The following NFIB variants were observed in gnomAD, a reference collection of about 807,000 sequenced individuals.
NFIB encodes nuclear factor 1 B-type.
Under a neutral mutation model 61.5 loss-of-function variants are expected in NFIB, and 11 were observed. The observed-to-expected ratio is 0.18, with a 90% CI of 0.11 to 0.30. The LOEUF is 0.30. Ranked by LOEUF, NFIB falls within the 10% of genes least tolerant of loss-of-function variation. NFIB has a pLI of 1.00. For synonymous variants in NFIB, 260 were observed against 216.5 expected, an observed-to-expected ratio of 1.20 and a Z score of -1.76; for missense variants, 471 against 608.9, an observed-to-expected ratio of 0.77 and a Z score of 2.38.
chr9:14,388,273 G>C (rs1433329913), intron 1 of NFIB, among the ~76,000 whole-genome samples: 2 of 152,026 alleles, frequency 1.3e-5, no homozygotes, highest in African/African-American at 4.8e-5. Flanking sequence ...CATGGAGGAG[G>C]CTGGGGTGGG....
At chr9:14,511,093 CTTCCAAAGAGT>C in the NFIB span, among the ~76,000 whole-genome samples, 6 of 152,116 alleles carry the variant, frequency 3.9e-5, no homozygotes, top group Non-Finnish European at 7.3e-5. Flanking sequence ...GCCAATTTGC[CTTCCAAAGAGT>C]TTGTGTTATA....
chr9:14,504,597 TTAAAGGGG>T, the NFIB span, among the ~76,000 whole-genome samples: 4 of 152,314 alleles, frequency 2.6e-5, no homozygotes, highest in South Asian at 6.2e-4. Context: ...GCAGCTATTA[TTAAAGGGG>T]TTAAGTTCTT....
At chr9:14,316,129 G>A (rs551611982), upstream of NFIB, among the ~76,000 whole-genome samples, 3 of 152,298 alleles carry the variant, frequency 2.0e-5, 1 homozygote, top group African/African-American at 7.2e-5. Context: ...TCACCAAGTG[G>A]GAGTTATCCA....
chr9:14,146,690 T>C lies in NFIB; in HGVS notation c.924A>G (p.Gln308=), dbSNP rs1222045921. 1.2e-6 allele frequency: 2 copies of C among 1,613,054 alleles called. No individual in the cohort carries two copies. The highest frequency in any genetic ancestry group is 1.7e-6 in the Non-Finnish European group (2 of 1,179,428). The change falls in exon 6 of 11, where the codon CAA becomes CAG. Residue 308 remains glutamine (Q), a splice_region_variant and synonymous_variant. Coordinates refer to ENST00000380953, the MANE Select transcript of NFIB (RefSeq NM_001190737.2). ...TAGAGGCATCTCCTTATTACTCACC[T>C]TGATCTCTTTCGTGCCATGTTCGAC... ...AGSRTWHERD[Q]DMSSPTTMKK...
At chr9:14,340,536 G>C (rs975424338) in intron 1 of NFIB, among the ~76,000 whole-genome samples, 6 of 152,186 alleles carry the variant, frequency 3.9e-5, no homozygotes, top group African/African-American at 1.4e-4. Context: ...CAACTCAGAG[G>C]ATAAAATGTT....
the NFIB span, among the ~76,000 whole-genome samples, chr9:14,527,564 C>T: frequency 6.6e-6 from 1 of 152,288 alleles, no homozygotes; most frequent in Non-Finnish European, 1.5e-5. Flanking sequence ...GATCACCCCC[C>T]TCCATAACAC....
chr9:14,108,484 CA>C (rs1466996298), intron 10 of NFIB, among the ~76,000 whole-genome samples: 2 of 151,948 alleles, frequency 1.3e-5, no homozygotes, highest in Non-Finnish European at 2.9e-5. Flanking sequence ...GAAGTACTTT[CA>C]AATTCTAGTT....
chr9:14,323,114 G>T (rs1044568777), intron 1 of NFIB, among the ~76,000 whole-genome samples: 2 of 152,238 alleles, frequency 1.3e-5, no homozygotes, highest in Non-Finnish European at 2.9e-5. Context: ...CTCCCGAAAT[G>T]TTCCTGGCTG....
the NFIB span, among the ~76,000 whole-genome samples, chr9:14,465,133 T>C: frequency 6.6e-6 from 1 of 152,340 alleles, no homozygotes; most frequent in Non-Finnish European, 1.5e-5. Context: ...TGTAGGACCA[T>C]GCAAGATTTG....
chr9:14,274,103 T>C (rs903855997), intron 2 of NFIB, among the ~76,000 whole-genome samples: 3 of 152,202 alleles, frequency 2.0e-5, no homozygotes, highest in African/African-American at 7.2e-5. Flanking sequence ...TATCTCATCT[T>C]GACCACTACT....
At chr9:14,149,051 C>A (rs1293494330) in intron 5 of NFIB, among the ~76,000 whole-genome samples, 1 of 152,138 alleles carries the variant, frequency 6.6e-6, no homozygotes, top group African/African-American at 2.4e-5. Flanking sequence ...GTGTTGACAA[C>A]AGTGATTTAG....
chr9:14,513,329 T>G, the NFIB span, among the ~76,000 whole-genome samples: 1 of 152,192 alleles, frequency 6.6e-6, no homozygotes, highest in Admixed American at 6.5e-5. Context: ...ATTTTCATTT[T>G]AAATGAAACA....
intron 3 of NFIB, among the ~76,000 whole-genome samples, chr9:14,158,425 A>G (rs1942381451): frequency 6.6e-6 from 1 of 152,172 alleles, no homozygotes; most frequent in African/African-American, 2.4e-5. Context: ...CCTAGTTTGT[A>G]CTAATTTTAT....
chr9:14,517,144 C>A, the NFIB span, among the ~76,000 whole-genome samples: 1 of 152,198 alleles, frequency 6.6e-6, no homozygotes, highest in African/African-American at 2.4e-5. Context: ...AGGAGGAAAG[C>A]ATCTAAAATT....
At chr9:14,095,222 T>C (rs533500728) in intron 10 of NFIB, among the ~76,000 whole-genome samples, 7 of 152,222 alleles carry the variant, frequency 4.6e-5, no homozygotes, top group Non-Finnish European at 8.8e-5. Flanking sequence ...TAAGGACTTA[T>C]AAAAAAATTG....
intron 2 of NFIB, among the ~76,000 whole-genome samples, chr9:14,192,012 G>T (rs575157966): frequency 7.9e-5 from 12 of 152,246 alleles, no homozygotes; most frequent in Non-Finnish European, 1.3e-4. Flanking sequence ...AAGACCAGTT[G>T]AACTTTTCCT....
chr9:14,444,850 G>A, the NFIB span, among the ~76,000 whole-genome samples: 17 of 152,228 alleles, frequency 1.1e-4, no homozygotes, highest in Non-Finnish European at 2.1e-4. Context: ...TGCACTATCT[G>A]CCTTCTCCAA....
intron 6 of NFIB, among the ~76,000 whole-genome samples, chr9:14,145,137 G>T (rs1448198252): frequency 5.3e-5 from 8 of 150,922 alleles, no homozygotes; most frequent in Non-Finnish European, 2.9e-5. Context: ...TGAGGGGGGG[G>T]TCTCACAGTC....
the NFIB span, among the ~76,000 whole-genome samples, chr9:14,464,050 A>C: frequency 6.6e-6 from 1 of 152,194 alleles, no homozygotes; most frequent in Non-Finnish European, 1.5e-5. Flanking sequence ...TCTGAAATCA[A>C]GAAAAGAAAA....
Sources: gnomAD v4.1 joint callset for allele counts (sites outside exome capture counted in the v4.1 genomes callset) on GRCh38, gnomAD v4.1.1 for gene constraint, MANE v1.5 for transcripts, NCBI Gene and HGNC (gene_info 2026-07-23, HGNC 2026-07-21) for gene names.